TSNARE1: variants seen among roughly 807,000 people sequenced by gnomAD.
TSNARE1 encodes t-SNARE domain containing 1, also known as t-SNARE domain-containing protein 1.
TSNARE1 carries 49 observed loss-of-function variants against 62.0 expected under a neutral mutation model. The ratio of observed to expected loss-of-function variants is 0.79; its 90% CI spans 0.63 to 1.00. The LOEUF (loss-of-function observed/expected upper bound fraction) is 1.00, where lower values mean the gene tolerates loss of function less well. Ranked by LOEUF, TSNARE1 falls within the 50% of genes least tolerant of loss-of-function variation. The probability of loss-of-function intolerance (pLI) is 0.00; values close to 1 mark genes in which losing one functional copy is unlikely to be tolerated. For missense variants in TSNARE1, 755 were observed against 700.1 expected, an observed-to-expected ratio of 1.08 and a Z score of -0.88; for synonymous variants, 328 against 294.4, an observed-to-expected ratio of 1.11 and a Z score of -1.17.
chr8:142,276,573 T>G (rs762460619), intron 11 of TSNARE1: 135 of 985,290 alleles, frequency 1.4e-4, no homozygotes, highest in Non-Finnish European at 1.6e-4. Flanking sequence ...TGGTCTGGGC[T>G]AACACAGGTG....
intron 1 of TSNARE1, among the ~76,000 whole-genome samples, chr8:142,395,578 C>T (rs1040430600): frequency 1.3e-5 from 2 of 151,700 alleles, no homozygotes; most frequent in East Asian, 1.9e-4. Flanking sequence ...CGCCAGGGGG[C>T]GGCACCGCCG....
intron 1 of TSNARE1, among the ~76,000 whole-genome samples, chr8:142,382,695 T>C (rs79996118): frequency 0.024 from 3,717 of 152,240 alleles, 43 homozygotes; most frequent in African/African-American, 0.036. Context: ...CTCAGGCACA[T>C]TTCACTCCAG....
At chr8:142,328,614 G>T (rs1053647272) in intron 6 of TSNARE1, among the ~76,000 whole-genome samples, 1 of 152,142 alleles carries the variant, frequency 6.6e-6, no homozygotes, top group African/African-American at 2.4e-5. Context: ...TCTTCTTTTC[G>T]GCATCAAGGA....
At chr8:142,276,864 A>G (rs72687360) in intron 11 of TSNARE1, 119,193 of 985,304 alleles carry the variant, frequency 0.12, 7,654 homozygotes, top group Non-Finnish European at 0.13. Context: ...CACATTCAAG[A>G]CACCTCACAC....
At chr8:142,266,543 C>T (rs948925882) in intron 12 of TSNARE1, among the ~76,000 whole-genome samples, 1 of 152,212 alleles carries the variant, frequency 6.6e-6, no homozygotes, top group African/African-American at 2.4e-5. Flanking sequence ...TTTGTAGATA[C>T]TACCATTTTC....
chr8:142,403,510 TCA>T (rs1461119499), upstream of TSNARE1: 3 of 152,140 alleles, frequency 2.0e-5, no homozygotes, highest in Admixed American at 6.5e-5. Context: ...AGCCCGGACC[TCA>T]CACGGGCCAA....
At chr8:142,238,505 C>T (rs956777971) in intron 12 of TSNARE1, among the ~76,000 whole-genome samples, 4 of 149,546 alleles carry the variant, frequency 2.7e-5, no homozygotes, top group Admixed American at 6.6e-5. Flanking sequence ...ATGCCGGAAT[C>T]TGAGGAGATG....
In TSNARE1 at chr8:142,338,990, C is replaced by A. The variant is rs565260189; in HGVS notation, c.745+4976G>T. On this transcript the variant is annotated intron_variant, in intron 4 of 13. Coordinates refer to ENST00000524325, the MANE Select transcript of TSNARE1 (RefSeq NM_145003.5). ...CTGCTGCCAGATTCTGCTACCGTGA[C>A]CTGGGCAGGGCACAAGTGGCCAGCC... Among the ~76,000 whole-genome samples, 139 of 152,258 alleles carry A rather than the reference C, an allele frequency of 9.1e-4. 1 individual carries two copies. Among genetic ancestry groups the A allele is most frequent in the Non-Finnish European group, 1.7e-3 (119 of 68,016 alleles).
intron 2 of TSNARE1, among the ~76,000 whole-genome samples, chr8:142,346,587 C>T (rs1191445140): frequency 2.6e-5 from 4 of 152,396 alleles, no homozygotes; most frequent in Admixed American, 1.3e-4. Flanking sequence ...GAGTCACAGA[C>T]ACGCCGTGTG....
At chr8:142,275,643 GC>G in intron 11 of TSNARE1, 1 of 985,460 alleles carries the variant, frequency 1.0e-6, no homozygotes, top group South Asian at 4.7e-5. Context: ...ACGAGCACGG[GC>G]AAGCCTTCTT....
rs79563776 is a variant in TSNARE1 at position 142,213,381 on chromosome 8, T to C, written c.*12-1068A>G. Among the ~76,000 whole-genome samples, 685 of 149,472 alleles carry C rather than the reference T, an allele frequency of 4.6e-3. 5 individuals are homozygous for C. The highest frequency in any genetic ancestry group is 0.016 in the African/African-American group (659 of 40,406). On this transcript the variant is annotated intron_variant, in intron 13 of 13. Transcript: ENST00000524325. ...GGCCCCATCACGTGCCCCTCTAGCC[T>C]TGGGCAGATGGCAAGGGGGCAGTTG...
At chr8:142,343,370 C>T (rs139236322) in intron 4 of TSNARE1, among the ~76,000 whole-genome samples, 3 of 151,994 alleles carry the variant, frequency 2.0e-5, no homozygotes, top group Admixed American at 6.5e-5. Flanking sequence ...TAGCACAAGA[C>T]GCAGCAGGAG....
At chr8:142,366,490 C>T (rs112394167) in intron 1 of TSNARE1, among the ~76,000 whole-genome samples, 113 of 152,292 alleles carry the variant, frequency 7.4e-4, no homozygotes, top group African/African-American at 2.5e-3. Context: ...TAGCTCAACA[C>T]GAGGACACTC....
chr8:142,244,883 C>T (rs1311701129), intron 12 of TSNARE1, among the ~76,000 whole-genome samples: 2 of 152,254 alleles, frequency 1.3e-5, no homozygotes, highest in African/African-American at 4.8e-5. Flanking sequence ...CGGAAGGCAT[C>T]GGCCAGAGAG....
chr8:142,338,629 GC>G (rs1417012214), intron 4 of TSNARE1, among the ~76,000 whole-genome samples: 1 of 152,248 alleles, frequency 6.6e-6, no homozygotes, highest in Admixed American at 6.5e-5. Context: ...AGGCTGCCAG[GC>G]TCTGCTGCCA....
At chr8:142,357,757 C>T (rs562449969) in intron 1 of TSNARE1, among the ~76,000 whole-genome samples, 6 of 152,294 alleles carry the variant, frequency 3.9e-5, no homozygotes, top group African/African-American at 1.4e-4. Flanking sequence ...ATGCAGAACG[C>T]GAGTCCACTG....
At chr8:142,402,345 G>T (rs1312042472) in intron 1 of TSNARE1, among the ~76,000 whole-genome samples, 1 of 152,238 alleles carries the variant, frequency 6.6e-6, no homozygotes, top group African/African-American at 2.4e-5. Context: ...GCTACTGAGT[G>T]TCGGACATGT....
At chr8:142,231,875 G>T (rs570028358) in intron 12 of TSNARE1, among the ~76,000 whole-genome samples, 1 of 152,324 alleles carries the variant, frequency 6.6e-6, no homozygotes, top group African/African-American at 2.4e-5. Context: ...CATAAGCCCC[G>T]TGCACTTGGA....
chr8:142,396,013 T>C (rs1363535975), intron 1 of TSNARE1, among the ~76,000 whole-genome samples: 2 of 151,420 alleles, frequency 1.3e-5, no homozygotes, highest in East Asian at 3.9e-4. Flanking sequence ...TCTTTGTCCG[T>C]GGCTCTGTCC....
Sources: gnomAD v4.1 joint callset for allele counts (sites outside exome capture counted in the v4.1 genomes callset) on GRCh38, gnomAD v4.1.1 for gene constraint, MANE v1.5 for transcripts, NCBI Gene and HGNC (gene_info 2026-07-23, HGNC 2026-07-21) for gene names.